The following CFAP53 variants were observed in gnomAD, a reference collection of about 807,000 sequenced individuals.
CFAP53 encodes the protein cilia- and flagella-associated protein 53.
Under a neutral mutation model 59.7 loss-of-function variants are expected in CFAP53, and 62 were observed. That is an observed-to-expected ratio of 1.04 (90% CI 0.85 to 1.28). The LOEUF (loss-of-function observed/expected upper bound fraction) is 1.28. Ranked by LOEUF, CFAP53 falls within the 50% of genes most tolerant of loss-of-function variation. CFAP53 has a pLI of 0.00. For synonymous variants in CFAP53, 218 were observed against 205.7 expected, an observed-to-expected ratio of 1.06 and a Z score of -0.51; for missense variants, 629 against 615.6, an observed-to-expected ratio of 1.02 and a Z score of -0.23.
chr18:50,247,665 G>A (rs1341622557), intron 5 of CFAP53, among the ~76,000 whole-genome samples: 2 of 152,194 alleles, frequency 1.3e-5, no homozygotes, highest in African/African-American at 4.8e-5. Context: ...CTACAATGTG[G>A]ATAAATCTTG....
At chr18:50,239,294 A>G (rs1034950375) in intron 6 of CFAP53, among the ~76,000 whole-genome samples, 1 of 151,972 alleles carries the variant, frequency 6.6e-6, no homozygotes, top group Admixed American at 6.5e-5. Context: ...AGGCTGAGGC[A>G]CAAGTGCCTA....
intron 5 of CFAP53, among the ~76,000 whole-genome samples, chr18:50,246,099 A>G (rs1247725567): frequency 6.6e-6 from 1 of 152,186 alleles, no homozygotes; most frequent in Non-Finnish European, 1.5e-5. Flanking sequence ...CATGTTGGTC[A>G]GGCTGGTCTC....
At position 50,243,113 on chromosome 18, in the gene CFAP53, C is replaced by T. The variant is rs770676397; in HGVS notation, c.1000G>A (p.Asp334Asn). 1.9e-6 allele frequency: 3 copies of T among 1,606,316 alleles called. No individual in the cohort carries two copies. Among genetic ancestry groups the T allele is most frequent in the Non-Finnish European group, 2.6e-6 (3 of 1,174,716 alleles). The change falls in exon 6 of 8, where the codon GAT becomes AAT. Residue 334 changes from aspartate (D) to asparagine (N), a missense_variant. Transcript: ENST00000398545. ...TATATCTTCTGTTCTCTTATCATAT[C>T]TTCCTATGTAACATAAAAATTCATA... is the stretch of plus-strand genomic sequence containing the variant. ...EADKKKQKREDMIREQKIYHK... is the reference protein window; with the variant it reads ...EADKKKQKRENMIREQKIYHK...
At chr18:50,248,711 G>C (rs144323525) in intron 5 of CFAP53, among the ~76,000 whole-genome samples, 1,846 of 151,552 alleles carry the variant, frequency 0.012, 16 homozygotes, top group Non-Finnish European at 0.019. Flanking sequence ...CTTGAACCCG[G>C]GAGGTGGAGG....
rs189562370 is a variant in CFAP53 at position 50,241,309 on chromosome 18, C to G, written c.1213+1591G>C. Among the ~76,000 whole-genome samples the G allele has an allele frequency of 3.1e-3, 466 of 152,274 alleles. 13 individuals are homozygous for G. Among genetic ancestry groups the G allele is most frequent in the Admixed American group, 0.029 (438 of 15,290 alleles). ...TGAGTATGGTCTCCAAATAAAGACC[C>G]TCCTGGCCAGTTGGTCATCTGAGAT... On this transcript the variant is annotated intron_variant, in intron 6 of 7. Transcript: ENST00000398545.
rs2033709395 is a variant in CFAP53 at position 50,243,174 on chromosome 18, A to T, written c.997-58T>A. The T allele has an allele frequency of 1.2e-5, 14 of 1,217,180 alleles. No homozygotes were observed. In the South Asian group the frequency reaches 1.7e-4, roughly 15 times the overall value. 75.4% of individuals were successfully genotyped at this position (1,217,180 alleles called of 1,614,324 possible). ...TTTTTGGTGTGATACTATAGTAAGG[A>T]TACATTTAAAAAAAATCTTTAAAAG... is the stretch of plus-strand genomic sequence containing the variant. On this transcript the variant is annotated intron_variant, in intron 5 of 7. Transcript: ENST00000398545.
intron 1 of CFAP53, among the ~76,000 whole-genome samples, chr18:50,265,337 T>C (rs2033937448): frequency 6.6e-6 from 1 of 152,180 alleles, no homozygotes. Flanking sequence ...GAAAATAAAA[T>C]TACCTTCGAG....
At chr18:50,240,449 T>C (rs1413066769) in intron 6 of CFAP53, among the ~76,000 whole-genome samples, 2 of 152,204 alleles carry the variant, frequency 1.3e-5, no homozygotes, top group Non-Finnish European at 2.9e-5. Flanking sequence ...TAGTTTAGCC[T>C]GTGCAGTCCA....
chr18:50,227,955 CTTTTTT>C (rs1191228047), intron 7 of CFAP53, among the ~76,000 whole-genome samples: 1 of 90,090 alleles, frequency 1.1e-5, no homozygotes, highest in Non-Finnish European at 1.9e-5. Context: ...AACTTTTCTC[CTTTTTT>C]TTTTTTTTTT....
rs1459845862 is a variant in CFAP53, at chr18:50,262,023, C to G, written c.266G>C (p.Gly89Ala). Reference protein sequence around the residue: ...VRARIKDAVQGFIINIEERRN... With the variant: ...VRARIKDAVQAFIINIEERRN... ...TCTTTCTTCAATGTTAATGATAAAC[C>G]CTTGCACAGCATCCTTGATTCTTGC... The change falls in exon 2 of 8, where the codon GGG becomes GCG. Residue 89 changes from glycine (G) to alanine (A), a missense_variant. Physicochemically the swap from Gly to Ala is moderately conservative, Grantham distance 60 (BLOSUM62 0). Coordinates refer to ENST00000398545, the MANE Select transcript of CFAP53 (RefSeq NM_145020.5). 1 of 1,614,006 alleles carries G rather than the reference C, an allele frequency of 6.2e-7. No homozygotes were observed. Among genetic ancestry groups the G allele is most frequent in the Non-Finnish European group, 8.5e-7 (1 of 1,179,922 alleles).
At chr18:50,265,045 A>G (rs2033927815) in intron 1 of CFAP53, among the ~76,000 whole-genome samples, 1 of 152,210 alleles carries the variant, frequency 6.6e-6, no homozygotes, top group Admixed American at 6.5e-5. Context: ...AAACTGTATC[A>G]CTGATCTTTC....
intron 4 of CFAP53, 83 bp downstream of exon 4, chr18:50,251,398 G>T: frequency 8.0e-7 from 1 of 1,249,284 alleles, no homozygotes; most frequent in Non-Finnish European, 1.1e-6. Flanking sequence ...CAGGCCATCA[G>T]ACAAACTGTA....
At chr18:50,255,095 A>G (rs1045504281) in intron 3 of CFAP53, among the ~76,000 whole-genome samples, 1 of 152,252 alleles carries the variant, frequency 6.6e-6, no homozygotes, top group Non-Finnish European at 1.5e-5. Context: ...ATGCAATGGA[A>G]TACTACTCAG....
At chr18:50,252,516 A>T (rs1599127349) in intron 3 of CFAP53, among the ~76,000 whole-genome samples, 1 of 151,704 alleles carries the variant, frequency 6.6e-6, no homozygotes. Context: ...TGATCCTCCC[A>T]CCTTAGCCTC....
intron 1 of CFAP53, among the ~76,000 whole-genome samples, chr18:50,263,209 C>CATAGTCTTG (rs1304712392): frequency 2.0e-5 from 3 of 152,124 alleles, no homozygotes; most frequent in Non-Finnish European, 2.9e-5. Context: ...CCATAAAATC[C>CATAGTCTTG]ATAGTCTTGA....
At chr18:50,238,534 G>C in intron 7 of CFAP53, 69 bp downstream of exon 7, 1 of 999,644 alleles carries the variant, frequency 1.0e-6, no homozygotes, top group South Asian at 1.4e-5. Context: ...TTACAGGTGT[G>C]AGCCACCATG....
chr18:50,262,463 G>A (rs575757730), intron 1 of CFAP53, among the ~76,000 whole-genome samples: 1 of 152,166 alleles, frequency 6.6e-6, no homozygotes, highest in African/African-American at 2.4e-5. Flanking sequence ...AAAAATAGTT[G>A]ATGGAAATTA....
At chr18:50,245,428 A>C (rs1020680960) in intron 5 of CFAP53, among the ~76,000 whole-genome samples, 13 of 151,882 alleles carry the variant, frequency 8.6e-5, no homozygotes, top group African/African-American at 2.9e-4. Context: ...CGAGTTTAGC[A>C]ATGTTGCAGG....
At chr18:50,236,159 G>A (rs1026278863) in intron 7 of CFAP53, among the ~76,000 whole-genome samples, 1 of 152,134 alleles carries the variant, frequency 6.6e-6, no homozygotes, top group Non-Finnish European at 1.5e-5. Context: ...AAGAATGCAA[G>A]TCAGCTCCCT....
Sources: gnomAD v4.1 joint callset for allele counts (sites outside exome capture counted in the v4.1 genomes callset) on GRCh38, gnomAD v4.1.1 for gene constraint, MANE v1.5 for transcripts, NCBI Gene and HGNC (gene_info 2026-07-23, HGNC 2026-07-21) for gene names.